PRKCE: variants seen among roughly 807,000 people sequenced by gnomAD.
PRKCE encodes the protein protein kinase C epsilon type.
Under a neutral mutation model 85.4 loss-of-function variants are expected in PRKCE, and 16 were observed. That is an observed-to-expected ratio of 0.19 (90% confidence interval 0.13 to 0.28). The LOEUF (loss-of-function observed/expected upper bound fraction) is 0.28, where lower values mean the gene tolerates loss of function less well. Ranked by LOEUF, PRKCE falls within the 10% of genes least tolerant of loss-of-function variation. PRKCE has a pLI of 1.00. For synonymous variants in PRKCE, 388 were observed against 371.5 expected (o/e 1.04, Z -0.51); for missense variants, 573 against 975.2 (o/e 0.59, Z 5.49).
intron 1 of PRKCE, among the ~76,000 whole-genome samples, chr2:45,656,668 A>T (rs1367948760): frequency 6.6e-6 from 1 of 152,230 alleles, no homozygotes; most frequent in African/African-American, 2.4e-5. Flanking sequence ...ATAGATAAAA[A>T]TATAGATCCT....
intron 1 of PRKCE, among the ~76,000 whole-genome samples, chr2:45,771,321 T>G (rs1685309997): frequency 6.6e-6 from 1 of 152,210 alleles, no homozygotes; most frequent in Admixed American, 6.5e-5. Context: ...AGGCTCACGT[T>G]AGGCAGATCC....
At chr2:46,055,460 C>T (rs899507651) in intron 10 of PRKCE, among the ~76,000 whole-genome samples, 2 of 152,226 alleles carry the variant, frequency 1.3e-5, no homozygotes, top group African/African-American at 4.8e-5. Flanking sequence ...TGGTTCAATT[C>T]AATCTCTCAG....
chr2:45,877,939 G>C (rs966067285), intron 2 of PRKCE, among the ~76,000 whole-genome samples: 3 of 152,218 alleles, frequency 2.0e-5, no homozygotes, highest in Admixed American at 6.5e-5. Context: ...TCCAGACAAT[G>C]AGATGCTGGA....
At chr2:45,953,480 C>T (rs961312998) in intron 2 of PRKCE, among the ~76,000 whole-genome samples, 1 of 152,204 alleles carries the variant, frequency 6.6e-6, no homozygotes, top group Non-Finnish European at 1.5e-5. Flanking sequence ...CGCTCCCTTT[C>T]CCCTCCTCTG....
chr2:45,722,133 G>T (rs1200663091), intron 1 of PRKCE, among the ~76,000 whole-genome samples: 1 of 151,630 alleles, frequency 6.6e-6, no homozygotes, highest in Non-Finnish European at 1.5e-5. Flanking sequence ...TAACACAAAG[G>T]GCATACTTTT....
intron 2 of PRKCE, among the ~76,000 whole-genome samples, chr2:45,969,244 A>G (rs910397171): frequency 6.6e-6 from 1 of 151,740 alleles, no homozygotes; most frequent in Non-Finnish European, 1.5e-5. Flanking sequence ...CTCCATTTCC[A>G]TAGAGAGTTT....
intron 2 of PRKCE, among the ~76,000 whole-genome samples, chr2:45,934,648 CA>C (rs34473239): frequency 1.3e-3 from 166 of 131,956 alleles, no homozygotes; most frequent in Admixed American, 1.1e-3. Flanking sequence ...GACTCTGCCT[CA>C]AAAAAAAAAA....
intron 1 of PRKCE, among the ~76,000 whole-genome samples, chr2:45,828,512 G>C (rs1336832501): frequency 6.6e-6 from 1 of 152,214 alleles, no homozygotes; most frequent in East Asian, 1.9e-4. Flanking sequence ...TGGTGATTAT[G>C]ATAGAGTAGT....
At chr2:46,091,131 C>T (rs111372065) in intron 11 of PRKCE, among the ~76,000 whole-genome samples, 1 of 141,598 alleles carries the variant, frequency 7.1e-6, no homozygotes, top group Non-Finnish European at 1.5e-5. Flanking sequence ...CTGCTGGACA[C>T]GGGGTGGGGG....
At chr2:46,179,365 C>T (rs1679744287) in intron 14 of PRKCE, among the ~76,000 whole-genome samples, 1 of 152,100 alleles carries the variant, frequency 6.6e-6, no homozygotes, top group African/African-American at 2.4e-5. Flanking sequence ...GGGCTCCCAA[C>T]ACCACCACAG....
At chr2:46,122,132 T>C (rs12623399) in intron 11 of PRKCE, among the ~76,000 whole-genome samples, 6,458 of 152,298 alleles carry the variant, frequency 0.042, 204 homozygotes, top group East Asian at 0.11. Context: ...CTCCTTCCAG[T>C]CAGTGCTCCC....
chr2:45,754,328 G>A (rs780284268), intron 1 of PRKCE, among the ~76,000 whole-genome samples: 4 of 152,230 alleles, frequency 2.6e-5, no homozygotes, highest in African/African-American at 9.6e-5. Flanking sequence ...GCTTTCATGT[G>A]TGAATATGTA....
chr2:45,839,383 A>G (rs1691164671), intron 1 of PRKCE, among the ~76,000 whole-genome samples: 1 of 152,116 alleles, frequency 6.6e-6, no homozygotes, highest in Non-Finnish European at 1.5e-5. Flanking sequence ...AAGGCACCGT[A>G]GTGTGAAAGA....
chr2:45,769,644 G>A (rs1433106391), intron 1 of PRKCE, among the ~76,000 whole-genome samples: 1 of 152,158 alleles, frequency 6.6e-6, no homozygotes, highest in African/African-American at 2.4e-5. Flanking sequence ...TATTTCATGA[G>A]TTTGTAAGTT....
At chr2:46,071,972 C>T (rs1167754118) in intron 10 of PRKCE, among the ~76,000 whole-genome samples, 1 of 152,212 alleles carries the variant, frequency 6.6e-6, no homozygotes, top group Non-Finnish European at 1.5e-5. Context: ...ATTTTAAACA[C>T]ACGCGGGAAT....
intron 1 of PRKCE, among the ~76,000 whole-genome samples, chr2:45,705,191 T>C (rs1023011175): frequency 1.3e-5 from 2 of 152,260 alleles, no homozygotes; most frequent in African/African-American, 4.8e-5. Context: ...TGCATACATG[T>C]GCCCAGTTCT....
intron 1 of PRKCE, among the ~76,000 whole-genome samples, chr2:45,775,852 G>A (rs995011807): frequency 6.6e-5 from 10 of 152,060 alleles, no homozygotes; most frequent in African/African-American, 2.4e-4. Context: ...TGCTTCTCCG[G>A]CCTCATTGTG....
At chr2:45,760,208 A>G (rs962905611) in intron 1 of PRKCE, among the ~76,000 whole-genome samples, 2 of 152,166 alleles carry the variant, frequency 1.3e-5, no homozygotes, top group African/African-American at 4.8e-5. Context: ...TCTTCTCAGG[A>G]TGGAGGCATC....
chr2:45,666,302 G>T (rs1345785655), intron 1 of PRKCE, among the ~76,000 whole-genome samples: 10 of 152,142 alleles, frequency 6.6e-5, no homozygotes. Flanking sequence ...TATGAGTTGT[G>T]TGGGGATCAT....
Sources: gnomAD v4.1 joint callset for allele counts (sites outside exome capture counted in the v4.1 genomes callset) on GRCh38, gnomAD v4.1.1 for gene constraint, MANE v1.5 for transcripts, NCBI Gene and HGNC (gene_info 2026-07-23, HGNC 2026-07-21) for gene names.